The following MRPS27 variants were observed in gnomAD, a reference collection of about 807,000 sequenced individuals.
MRPS27 encodes mitochondrial ribosomal protein S27, also known as small ribosomal subunit protein mS27.
MRPS27 carries 43 observed loss-of-function variants against 48.9 expected under a neutral mutation model. The observed-to-expected ratio is 0.88, with a 90% CI of 0.69 to 1.13. The LOEUF is 1.13. Ranked by LOEUF, MRPS27 falls within the 50% of genes most tolerant of loss-of-function variation. The pLI, the probability that MRPS27 is intolerant of heterozygous loss-of-function variation, is 0.00. For synonymous variants in MRPS27, 188 were observed against 171.9 expected, an observed-to-expected ratio of 1.09 and a Z score of -0.73; for missense variants, 467 against 476.3, an observed-to-expected ratio of 0.98 and a Z score of 0.18.
At chr5:72,312,250 GAACT>G (rs1250623412) in intron 2 of MRPS27, among the ~76,000 whole-genome samples, 7 of 152,210 alleles carry the variant, frequency 4.6e-5, no homozygotes, top group Admixed American at 2.6e-4. Context: ...ATCATTAATG[GAACT>G]AACTCCATTT....
At chr5:72,256,195 A>C (rs981682770) in intron 4 of MRPS27, among the ~76,000 whole-genome samples, 1 of 152,234 alleles carries the variant, frequency 6.6e-6, no homozygotes, top group Non-Finnish European at 1.5e-5. Context: ...GGTTACCACA[A>C]ATGTGTATAT....
intron 2 of MRPS27, among the ~76,000 whole-genome samples, chr5:72,305,314 TA>T (rs1165668882): frequency 6.6e-6 from 1 of 152,024 alleles, no homozygotes. Flanking sequence ...TGACAAAAGT[TA>T]AGAAAGCAGA....
rs185626040 is a variant in MRPS27, at chr5:72,239,092, C to T, written c.282-964G>A. 3.8e-3 allele frequency among the ~76,000 whole-genome samples: 572 copies of T among 152,156 alleles called. 1 individual carries two copies. The highest frequency in any genetic ancestry group is 0.013 in the African/African-American group (551 of 41,508). ...TGAATCATTCAGGAAGCAGGCCAAT[C>T]GCTGGGCTCCACAAAAATCAAACTC... On this transcript the variant is annotated intron_variant, in intron 4 of 10. Transcript: ENST00000261413.
chr5:72,223,410 T>TGACA (rs1747805127), intron 10 of MRPS27, among the ~76,000 whole-genome samples: 1 of 152,236 alleles, frequency 6.6e-6, no homozygotes, highest in Admixed American at 6.5e-5. Flanking sequence ...ATTATCCAGC[T>TGACA]GACAGGTGCA....
intron 2 of MRPS27, among the ~76,000 whole-genome samples, chr5:72,301,202 A>T (rs1750119045): frequency 6.6e-6 from 1 of 152,156 alleles, no homozygotes; most frequent in East Asian, 1.9e-4. Flanking sequence ...GGGGAAAACA[A>T]CTTTAGAACT....
Position 72,221,024 on chromosome 5 carries a change from T to C in MRPS27, c.1130A>G (p.Gln377Arg), listed in dbSNP as rs753727556. The change falls in exon 11 of 11, where the codon CAG (glutamine) becomes CGG (arginine). Residue 377 changes from glutamine (Q) to arginine (R), a missense_variant. By Grantham distance (43) the Gln-to-Arg change is conservative. Coordinates refer to ENST00000261413, the MANE Select transcript of MRPS27 (RefSeq NM_015084.3). ...CEAEDIATYE[Q>R]NLQQWHLDLV... Reference sequence around the variant, plus strand: ...GTCTAGATGCCACTGCTGCAGATTCTGCTCATAGGTGGCGATGTCCTCTGC... The same window carrying C: ...GTCTAGATGCCACTGCTGCAGATTCCGCTCATAGGTGGCGATGTCCTCTGC... The C allele has an allele frequency of 1.2e-6, 2 of 1,614,236 alleles. No individual in the cohort carries two copies. Among genetic ancestry groups the C allele is most frequent in the South Asian group, 1.1e-5 (1 of 91,090 alleles).
At chr5:72,305,938 C>T (rs1750253203) in intron 2 of MRPS27, among the ~76,000 whole-genome samples, 1 of 152,158 alleles carries the variant, frequency 6.6e-6, no homozygotes, top group Admixed American at 6.5e-5. Flanking sequence ...TTATTTTAGC[C>T]AAAGGGAAGC....
At chr5:72,263,396 A>G (rs1012232796) in intron 4 of MRPS27, among the ~76,000 whole-genome samples, 8 of 152,006 alleles carry the variant, frequency 5.3e-5, no homozygotes, top group African/African-American at 1.9e-4. Flanking sequence ...CACCAAAAGC[A>G]TTAACAACAA....
At chr5:72,299,184 A>G (rs1337841386) in intron 2 of MRPS27, among the ~76,000 whole-genome samples, 2 of 152,156 alleles carry the variant, frequency 1.3e-5, no homozygotes, top group African/African-American at 2.4e-5. Flanking sequence ...GGATGATGGA[A>G]TCACTTATAC....
At chr5:72,312,721 A>G (rs550083240) in intron 2 of MRPS27, among the ~76,000 whole-genome samples, 1 of 151,712 alleles carries the variant, frequency 6.6e-6, no homozygotes, top group African/African-American at 2.4e-5. Flanking sequence ...CCCGGGTTCA[A>G]GCGATTCTCC....
intron 7 of MRPS27, 118 bp downstream of exon 7, chr5:72,232,325 A>C: frequency 1.6e-6 from 1 of 626,442 alleles, no homozygotes; most frequent in Non-Finnish European, 2.7e-6. Context: ...TACAATAAAC[A>C]CACATTCCTG....
At position 72,220,864 on chromosome 5, in the gene MRPS27, T is replaced by C. The variant is rs1580047300; in HGVS notation, c.*45A>G. ...GCCACTGCTGAGTCCTGGCACGGGG[T>C]TGAGTGAAGTTCTTGTGAGACAGGT... On this transcript the variant is annotated 3_prime_UTR_variant, in exon 11 of 11. Coordinates refer to ENST00000261413, the MANE Select transcript of MRPS27 (RefSeq NM_015084.3). 6.2e-7 allele frequency: 1 copy of C among 1,609,110 alleles called. No homozygotes were observed. The highest frequency in any genetic ancestry group is 8.5e-7 in the Non-Finnish European group (1 of 1,177,818).
chr5:72,295,506 TAG>T, intron 4 of MRPS27, 23 bp downstream of exon 4: 1 of 1,573,922 alleles, frequency 6.4e-7, no homozygotes, highest in Non-Finnish European at 8.7e-7. Flanking sequence ...ACAGAGTACA[TAG>T]CCAAATCAAA....
At chr5:72,274,214 C>T (rs1749317528) in intron 4 of MRPS27, among the ~76,000 whole-genome samples, 1 of 152,162 alleles carries the variant, frequency 6.6e-6, no homozygotes, top group Non-Finnish European at 1.5e-5. Context: ...ATTAGCTGGG[C>T]ATGGTGGCTC....
chr5:72,234,384 T>C (rs1748146690), intron 5 of MRPS27, among the ~76,000 whole-genome samples, 187 bp from the exon 6 acceptor site: 1 of 151,932 alleles, frequency 6.6e-6, no homozygotes, highest in Non-Finnish European at 1.5e-5. Context: ...ACAGGAACTG[T>C]TGGTCAGGGT....
At chr5:72,280,502 G>A (rs1443529394) in intron 4 of MRPS27, among the ~76,000 whole-genome samples, 1 of 151,958 alleles carries the variant, frequency 6.6e-6, no homozygotes, top group African/African-American at 2.4e-5. Context: ...TAACCTGCAA[G>A]GCTGCACAGC....
chr5:72,318,789 G>GAA lies in MRPS27; in HGVS notation c.73+1358_73+1359dup, dbSNP rs11384406. On this transcript the variant is annotated intron_variant, in intron 1 of 10. Coordinates refer to ENST00000261413, the MANE Select transcript of MRPS27 (RefSeq NM_015084.3). ...AACCTGGGCAACAAGAACGAAACCC[G>GAA]AAAAAAAAAAAAAAGGCTGGGGAGG... Among the ~76,000 whole-genome samples the GAA allele has an allele frequency of 8.2e-3, 1,162 of 142,084 alleles. 17 individuals carry two copies. The highest frequency in any genetic ancestry group is 0.025 in the African/African-American group (972 of 38,462). 93.2% of individuals were successfully genotyped at this position (142,084 alleles called of 152,430 possible).
chr5:72,266,264 C>T (rs1421933246), intron 4 of MRPS27, among the ~76,000 whole-genome samples: 1 of 152,208 alleles, frequency 6.6e-6, no homozygotes, highest in African/African-American at 2.4e-5. Flanking sequence ...GCCTCCTTCT[C>T]TGACTTTTAA....
chr5:72,244,623 C>T (rs1424299631), intron 4 of MRPS27, among the ~76,000 whole-genome samples: 4 of 152,144 alleles, frequency 2.6e-5, no homozygotes, highest in African/African-American at 9.7e-5. Flanking sequence ...ACCTTTTGCT[C>T]AGGCATGGTG....
Sources: gnomAD v4.1 joint callset for allele counts (sites outside exome capture counted in the v4.1 genomes callset) on GRCh38, gnomAD v4.1.1 for gene constraint, MANE v1.5 for transcripts, NCBI Gene and HGNC (gene_info 2026-07-23, HGNC 2026-07-21) for gene names.